Variants in PLXNA4 observed in about 807,000 individuals in gnomAD.
PLXNA4 encodes the protein plexin-A4.
A neutral mutation model predicts 191.8 loss-of-function variants in PLXNA4; 44 were observed. The observed-to-expected ratio is 0.23, with a 90% CI of 0.18 to 0.29. PLXNA4 has a LOEUF of 0.29. Among genes scored for constraint, PLXNA4 ranks in the 10% least tolerant of loss-of-function variants. PLXNA4 has a pLI of 1.00. For synonymous variants in PLXNA4, 1,082 were observed against 1,009.5 expected (o/e 1.07, Z -1.36); for missense variants, 1,800 against 2,488.8 (o/e 0.72, Z 5.89).
At chr7:132,203,453 G>T in intron 10 of PLXNA4, 34 bp from the exon 11 acceptor site, 2 of 1,591,612 alleles carry the variant, frequency 1.3e-6, no homozygotes, top group Non-Finnish European at 1.7e-6. Flanking sequence ...AAAGAAGAAA[G>T]TGGGGTCACA....
chr7:132,646,481 A>G (rs933564489), intron 1 of PLXNA4, among the ~76,000 whole-genome samples: 4 of 152,160 alleles, frequency 2.6e-5, no homozygotes, highest in African/African-American at 9.7e-5. Context: ...AGATACGGTC[A>G]TGACAGCAGG....
chr7:132,325,409 C>G (rs1802319809), intron 3 of PLXNA4, among the ~76,000 whole-genome samples: 1 of 152,182 alleles, frequency 6.6e-6, no homozygotes, highest in African/African-American at 2.4e-5. Flanking sequence ...ATGGGTTGAA[C>G]TGTGTCCCCT....
intron 2 of PLXNA4, among the ~76,000 whole-genome samples, chr7:132,628,233 G>C (rs1233774353): frequency 6.6e-6 from 1 of 152,136 alleles, no homozygotes; most frequent in East Asian, 1.9e-4. Context: ...AGCATTTTCT[G>C]TCAGAATTCT....
chr7:132,237,605 C>T (rs1798744866), intron 5 of PLXNA4, among the ~76,000 whole-genome samples: 1 of 152,148 alleles, frequency 6.6e-6, no homozygotes, highest in Non-Finnish European at 1.5e-5. Flanking sequence ...AAATTTATAC[C>T]TGTGTCTGCC....
intron 3 of PLXNA4, chr7:132,367,944 A>G (rs936889647): frequency 2.6e-5 from 4 of 152,160 alleles, no homozygotes; most frequent in Non-Finnish European, 5.9e-5. Context: ...CAGCGGTAGG[A>G]CTGCAATTCT....
At chr7:132,493,525 C>T (rs947709854) in intron 2 of PLXNA4, among the ~76,000 whole-genome samples, 1 of 152,138 alleles carries the variant, frequency 6.6e-6, no homozygotes, top group African/African-American at 2.4e-5. Context: ...TCTTTTTTCA[C>T]TGGCTCAAAT....
intron 1 of PLXNA4, among the ~76,000 whole-genome samples, chr7:132,514,792 G>A (rs1798873428): frequency 7.4e-6 from 1 of 135,730 alleles, no homozygotes. Context: ...ATCAATCTCT[G>A]TGTCTCTATG....
At chr7:132,370,528 A>C (rs941321559) in intron 3 of PLXNA4, among the ~76,000 whole-genome samples, 4 of 152,220 alleles carry the variant, frequency 2.6e-5, no homozygotes, top group Non-Finnish European at 4.4e-5. Flanking sequence ...TTGGATGCAT[A>C]CATAAAAATA....
chr7:132,162,753 A>T (rs1795987924), intron 24 of PLXNA4, among the ~76,000 whole-genome samples: 2 of 152,068 alleles, frequency 1.3e-5, no homozygotes, highest in African/African-American at 4.8e-5. Flanking sequence ...GAATCTTCAT[A>T]ACGGAGCCAA....
chr7:132,293,443 G>A (rs1800964429), intron 4 of PLXNA4, among the ~76,000 whole-genome samples: 1 of 152,090 alleles, frequency 6.6e-6, no homozygotes, highest in South Asian at 2.1e-4. Context: ...GAACAGCATG[G>A]GGGAAACCAC....
intron 2 of PLXNA4, among the ~76,000 whole-genome samples, chr7:132,639,565 A>G (rs1803674845): frequency 6.6e-6 from 1 of 152,142 alleles, no homozygotes; most frequent in Non-Finnish European, 1.5e-5. Context: ...AATGTTCCTA[A>G]AAAGAACATT....
intron 3 of PLXNA4, among the ~76,000 whole-genome samples, chr7:132,388,703 G>T (rs554149440): frequency 1.3e-5 from 2 of 152,208 alleles, no homozygotes; most frequent in African/African-American, 4.8e-5. Flanking sequence ...GGGGCCTTAA[G>T]TTGGGACTAC....
chr7:132,541,488 G>A (rs1013983279), intron 1 of PLXNA4, among the ~76,000 whole-genome samples: 5 of 152,220 alleles, frequency 3.3e-5, no homozygotes, highest in African/African-American at 1.2e-4. Context: ...GAAGAGAGAC[G>A]GCTTGATAGA....
intron 4 of PLXNA4, among the ~76,000 whole-genome samples, chr7:132,286,505 C>T (rs1800688416): frequency 6.6e-6 from 1 of 152,152 alleles, no homozygotes; most frequent in South Asian, 2.1e-4. Flanking sequence ...GATTAGAGAC[C>T]TGCCAGCGCT....
chr7:132,157,126 G>C (rs1287937554), intron 25 of PLXNA4, among the ~76,000 whole-genome samples: 1 of 152,230 alleles, frequency 6.6e-6, no homozygotes, highest in East Asian at 1.9e-4. Flanking sequence ...TGTGATGGCA[G>C]AGGGATCCTC....
At chr7:132,132,008 AG>A (rs1563047528) in intron 31 of PLXNA4, among the ~76,000 whole-genome samples, 1 of 152,220 alleles carries the variant, frequency 6.6e-6, no homozygotes, top group Non-Finnish European at 1.5e-5. Context: ...TCGGGGCACA[AG>A]CTTCAGCTTC....
chr7:132,624,199 A>G (rs10273621), intron 2 of PLXNA4, among the ~76,000 whole-genome samples: 5,630 of 152,306 alleles, frequency 0.037, 480 homozygotes, highest in East Asian at 0.27. Context: ...CCACATCTTC[A>G]GGCTCCAAGT....
intron 3 of PLXNA4, among the ~76,000 whole-genome samples, chr7:132,343,396 G>T (rs546231062): frequency 6.6e-6 from 1 of 152,132 alleles, no homozygotes; most frequent in East Asian, 1.9e-4. Context: ...TTAAATAACT[G>T]CTCCCCTTTC....
intron 3 of PLXNA4, among the ~76,000 whole-genome samples, chr7:132,483,942 T>C (rs905599271): frequency 2.0e-5 from 3 of 152,180 alleles, no homozygotes; most frequent in African/African-American, 7.2e-5. Context: ...CCCGGGTTTA[T>C]TCAGGTCAGC....
Sources: gnomAD v4.1 joint callset for allele counts (sites outside exome capture counted in the v4.1 genomes callset) on GRCh38, gnomAD v4.1.1 for gene constraint, MANE v1.5 for transcripts, NCBI Gene and HGNC (gene_info 2026-07-23, HGNC 2026-07-21) for gene names.